NRXN3: variants seen among roughly 807,000 people sequenced by gnomAD.
NRXN3 encodes neurexin III.
A neutral mutation model predicts 137.6 loss-of-function variants in NRXN3; 32 were observed. That is an observed-to-expected ratio of 0.23 (90% CI 0.18 to 0.31). The LOEUF is 0.31. Among genes scored for constraint, NRXN3 ranks in the 10% least tolerant of loss-of-function variants. NRXN3 has a pLI of 1.00. For missense variants in NRXN3, 1,574 were observed against 2,062.5 expected (o/e 0.76, Z 4.59); for synonymous variants, 798 against 784.5 (o/e 1.02, Z -0.29).
rs1055055697 is a variant in NRXN3 at position 78,179,820 on chromosome 14, T to G, written c.-704+9146T>G. On this transcript the variant is annotated intron_variant, in intron 1 of 20. Coordinates refer to ENST00000335750, the MANE Select transcript of NRXN3 (RefSeq NM_001330195.2). ...ATATATTTGTTCTTTGTTTTTTTTT[T>G]TTTGTTTGTTTCTGTTTTTTTGTTT... is the stretch of plus-strand genomic sequence containing the variant. Among the ~76,000 whole-genome samples the G allele has an allele frequency of 9.4e-4, 50 of 53,154 alleles. 1 individual carries two copies. Among genetic ancestry groups the G allele is most frequent in the East Asian group, 6.7e-3 (20 of 3,006 alleles). 34.9% of individuals were successfully genotyped at this position (53,154 alleles called of 152,430 possible). A position where few individuals can be genotyped will look rare whatever the true frequency, so the allele number is the denominator to read the frequency against.
chr14:79,067,313 G>T (rs61542651), intron 15 of NRXN3, among the ~76,000 whole-genome samples: 6,622 of 152,194 alleles, frequency 0.044, 528 homozygotes, highest in African/African-American at 0.15. Context: ...CAGTGATGAA[G>T]CCAACTTGAT....
chr14:78,666,956 A>G (rs557202257), intron 6 of NRXN3, among the ~76,000 whole-genome samples: 2 of 152,140 alleles, frequency 1.3e-5, no homozygotes, highest in East Asian at 1.9e-4. Flanking sequence ...GTCTTTTCCT[A>G]TTACTCTAAA....
At chr14:79,110,819 C>A (rs2053370229) in intron 15 of NRXN3, among the ~76,000 whole-genome samples, 1 of 141,596 alleles carries the variant, frequency 7.1e-6, no homozygotes, top group Non-Finnish European at 1.5e-5. Context: ...GAGACGGAGT[C>A]TCGATCAGTC....
intron 16 of NRXN3, among the ~76,000 whole-genome samples, chr14:79,513,381 A>G (rs1338585911): frequency 6.6e-6 from 1 of 152,212 alleles, no homozygotes; most frequent in African/African-American, 2.4e-5. Context: ...TCTGACTCCA[A>G]GGACATTTCA....
intron 10 of NRXN3, among the ~76,000 whole-genome samples, chr14:78,926,392 A>G (rs1012302637): frequency 2.6e-5 from 4 of 151,080 alleles, no homozygotes; most frequent in African/African-American, 9.7e-5. Context: ...ATATTTTTGG[A>G]CTGAAACTGT....
chr14:79,768,071 A>T lies in NRXN3; in HGVS notation c.4015-37041A>T, dbSNP rs1428226022. The stretch of plus-strand genomic sequence containing the variant: ...AATACTGTGCTTTTCCGACGGGCTT[A>T]AAAAATGGCGCACCAGGAGATTATA... On this transcript the variant is annotated intron_variant, in intron 19 of 20. Transcript: ENST00000335750. Among the ~76,000 whole-genome samples, 3 of 152,222 alleles carry T rather than the reference A, an allele frequency of 2.0e-5. No homozygotes were observed. The East Asian group carries it at 5.8e-4, about 29-fold the overall frequency.
At chr14:79,490,892 T>C (rs576833361) in intron 16 of NRXN3, among the ~76,000 whole-genome samples, 1 of 152,220 alleles carries the variant, frequency 6.6e-6, no homozygotes, top group African/African-American at 2.4e-5. Context: ...TTATTGCACA[T>C]TGCATGCCTG....
chr14:79,425,185 A>G (rs2095637497), intron 15 of NRXN3, among the ~76,000 whole-genome samples: 1 of 152,200 alleles, frequency 6.6e-6, no homozygotes, highest in Non-Finnish European at 1.5e-5. Flanking sequence ...CTCAGTTAAT[A>G]GAATATAATG....
chr14:79,036,277 C>T (rs566469829), intron 15 of NRXN3, among the ~76,000 whole-genome samples: 1 of 152,122 alleles, frequency 6.6e-6, no homozygotes, highest in South Asian at 2.1e-4. Context: ...TAAAGTAACA[C>T]CATGACTGAT....
At chr14:79,015,654 G>C (rs2099577962) in intron 15 of NRXN3, among the ~76,000 whole-genome samples, 1 of 152,136 alleles carries the variant, frequency 6.6e-6, no homozygotes, top group Admixed American at 6.6e-5. Flanking sequence ...CTTAATTTCT[G>C]TTTTAAGGTC....
chr14:79,560,064 G>A (rs1373866716), intron 16 of NRXN3, among the ~76,000 whole-genome samples: 1 of 151,992 alleles, frequency 6.6e-6, no homozygotes, highest in Non-Finnish European at 1.5e-5. Context: ...AAAAATTACA[G>A]ATTTTAAGAA....
intron 15 of NRXN3, among the ~76,000 whole-genome samples, chr14:79,076,119 T>C (rs2045929128): frequency 6.6e-6 from 1 of 152,188 alleles, no homozygotes; most frequent in African/African-American, 2.4e-5. Context: ...AGCTTCTGGG[T>C]GAGACACGTG....
intron 6 of NRXN3, among the ~76,000 whole-genome samples, chr14:78,689,257 C>T (rs1196707743): frequency 6.6e-6 from 1 of 152,074 alleles, no homozygotes; most frequent in Non-Finnish European, 1.5e-5. Flanking sequence ...CCTTCATCAC[C>T]ATCTTCACTA....
intron 20 of NRXN3, among the ~76,000 whole-genome samples, chr14:79,819,502 T>TTTTTTTTTTTTG (rs2099264062): frequency 6.9e-6 from 1 of 145,976 alleles, no homozygotes; most frequent in Non-Finnish European, 1.5e-5. Flanking sequence ...TTTTTTTTTT[T>TTTTTTTTTTTTG]GAGACGGAGT....
intron 15 of NRXN3, among the ~76,000 whole-genome samples, chr14:79,396,131 C>A (rs1391719607): frequency 6.6e-6 from 1 of 151,836 alleles, no homozygotes; most frequent in Non-Finnish European, 1.5e-5. Context: ...CCTATATAAT[C>A]CATTATTTTT....
chr14:79,849,186 T>C (rs1388430981), intron 20 of NRXN3, among the ~76,000 whole-genome samples: 5 of 152,184 alleles, frequency 3.3e-5, no homozygotes, highest in Non-Finnish European at 7.4e-5. Context: ...GGCTTCCCAA[T>C]TGATCTCCCC....
At chr14:78,923,146 C>T (rs2099275678) in intron 10 of NRXN3, among the ~76,000 whole-genome samples, 1 of 152,166 alleles carries the variant, frequency 6.6e-6, no homozygotes, top group Non-Finnish European at 1.5e-5. Context: ...TTGAGTGCTG[C>T]CTCGAGCCCA....
At chr14:78,761,310 T>G (rs888662007) in intron 8 of NRXN3, among the ~76,000 whole-genome samples, 5 of 152,268 alleles carry the variant, frequency 3.3e-5, no homozygotes, top group Admixed American at 2.6e-4. Flanking sequence ...TAATATCAGC[T>G]GTTGCTGATA....
At chr14:79,003,104 A>G (rs760167580) in intron 15 of NRXN3, among the ~76,000 whole-genome samples, 62 of 152,098 alleles carry the variant, frequency 4.1e-4, no homozygotes, top group Non-Finnish European at 1.3e-4. Flanking sequence ...TCAGCCTCCC[A>G]AGTAGCTTGA....
Sources: allele counts gnomAD v4.1 joint callset (sites outside exome capture counted in the v4.1 genomes callset), GRCh38; gene constraint gnomAD v4.1.1; transcripts MANE v1.5; gene names NCBI Gene and HGNC (gene_info 2026-07-23, HGNC 2026-07-21).